The following TEC variants were observed in gnomAD, a reference collection of about 807,000 sequenced individuals.
The protein encoded by TEC is tyrosine-protein kinase Tec.
In TEC, 72 loss-of-function variants were observed where a neutral mutation model predicts 93.0. That is an observed-to-expected ratio of 0.77 (90% CI 0.64 to 0.94). The LOEUF (loss-of-function observed/expected upper bound fraction) is 0.94. Among genes scored for constraint, TEC ranks in the 40% least tolerant of loss-of-function variants. The pLI, the probability that TEC is intolerant of heterozygous loss-of-function variation, is 0.00. For missense variants in TEC, 630 were observed against 757.9 expected (o/e 0.83, Z 1.98); for synonymous variants, 249 against 247.7 (o/e 1.01, Z -0.05).
chr4:48,211,468 A>G (rs1722895171), intron 2 of TEC, among the ~76,000 whole-genome samples: 1 of 152,232 alleles, frequency 6.6e-6, no homozygotes, highest in African/African-American at 2.4e-5. Flanking sequence ...TCATTTTCCA[A>G]GAAAATTCAA....
At chr4:48,267,893 G>C (rs1724680705) in intron 1 of TEC, among the ~76,000 whole-genome samples, 1 of 152,220 alleles carries the variant, frequency 6.6e-6, no homozygotes, top group African/African-American at 2.4e-5. Context: ...CACCAACCTG[G>C]TCAACCTGGA....
intron 10 of TEC, among the ~76,000 whole-genome samples, chr4:48,150,212 G>A (rs747627205): frequency 1.2e-4 from 18 of 152,118 alleles, no homozygotes; most frequent in Non-Finnish European, 2.1e-4. Flanking sequence ...CAACTCTGAG[G>A]CTTCTCTCTC....
intron 14 of TEC, among the ~76,000 whole-genome samples, chr4:48,142,567 G>A (rs76166914): frequency 0.038 from 5,744 of 152,180 alleles, 302 homozygotes; most frequent in East Asian, 0.22. Flanking sequence ...ATACAATTGT[G>A]GATTATTTAA....
intron 2 of TEC, among the ~76,000 whole-genome samples, chr4:48,210,453 C>G (rs2109610266): frequency 6.6e-6 from 1 of 151,518 alleles, no homozygotes; most frequent in East Asian, 1.9e-4. Flanking sequence ...CCACTGCACT[C>G]CAGTCTGAGT....
rs907293717 is a variant in TEC at position 48,238,062 on chromosome 4, A to G, written c.-45-9403T>C. ...TATATACTCTCAGCTTAAAGCCCCA[A>G]ATTTCTTTTGTAAAAGGGGATTAAA... is the stretch of plus-strand genomic sequence containing the variant. On this transcript the variant is annotated intron_variant, in intron 1 of 17. Transcript: ENST00000381501. Among the ~76,000 whole-genome samples, 5 of 152,224 alleles carry G rather than the reference A, an allele frequency of 3.3e-5. No individual in the cohort carries two copies. In the South Asian group the frequency reaches 1.0e-3, roughly 31 times the overall value.
intron 2 of TEC, among the ~76,000 whole-genome samples, chr4:48,179,605 T>G (rs1374631243): frequency 6.6e-6 from 1 of 151,500 alleles, no homozygotes; most frequent in Non-Finnish European, 1.5e-5. Flanking sequence ...GCCGGGCTGG[T>G]CTCAAACTCC....
At chr4:48,155,239 T>G (rs1040705299) in intron 9 of TEC, among the ~76,000 whole-genome samples, 1 of 152,274 alleles carries the variant, frequency 6.6e-6, no homozygotes, top group African/African-American at 2.4e-5. Context: ...TAGGGAATGT[T>G]TCTTCTATTG....
At chr4:48,142,640 C>A (rs1056339337) in intron 14 of TEC, among the ~76,000 whole-genome samples, 1 of 152,036 alleles carries the variant, frequency 6.6e-6, no homozygotes, top group Non-Finnish European at 1.5e-5. Context: ...GATAGAAAGA[C>A]GTGGTATTTC....
intron 7 of TEC, among the ~76,000 whole-genome samples, chr4:48,165,616 T>C (rs948674457): frequency 1.3e-5 from 2 of 152,210 alleles, no homozygotes; most frequent in African/African-American, 4.8e-5. Context: ...CCTTCTAATG[T>C]GATCAAGCCT....
At chr4:48,226,615 T>TTATA (rs60186701) in intron 2 of TEC, among the ~76,000 whole-genome samples, 3 of 151,804 alleles carry the variant, frequency 2.0e-5, no homozygotes, top group East Asian at 1.9e-4. Flanking sequence ...ATACAGTATG[T>TTATA]TATATATATA....
chr4:48,219,896 CCA>C (rs559618641), intron 2 of TEC, among the ~76,000 whole-genome samples: 146 of 152,156 alleles, frequency 9.6e-4, no homozygotes, highest in Non-Finnish European at 1.7e-3. Context: ...TCTCTTGTCT[CCA>C]CACACGGGGA....
chr4:48,187,353 G>A (rs1450088986), intron 2 of TEC, among the ~76,000 whole-genome samples: 35 of 151,010 alleles, frequency 2.3e-4, no homozygotes, highest in Admixed American at 2.3e-3. Context: ...ATGTTTATCT[G>A]CTGACCTTCC....
In TEC at chr4:48,145,557, T is replaced by C. The variant is rs752518670; in HGVS notation, c.1104A>G (p.Ser368=). ...FSYEKWEINP[S]ELTFMRELGS... The stretch of plus-strand genomic sequence containing the variant: ...CCAATTCCCTCATAAAGGTCAGTTC[T>C]GAAGGGTTAATCTCCCATTTCTCTG... The change falls in exon 13 of 18, where the codon TCA becomes TCG. Residue 368 remains serine (S), a synonymous_variant. Transcript: ENST00000381501. 1.2e-6 allele frequency: 2 copies of C among 1,614,136 alleles called. No homozygotes were observed. The highest frequency in any genetic ancestry group is 2.2e-5 in the South Asian group (2 of 91,074).
intron 2 of TEC, among the ~76,000 whole-genome samples, chr4:48,226,147 C>A (rs1449326990): frequency 1.3e-5 from 2 of 152,220 alleles, no homozygotes; most frequent in Admixed American, 6.5e-5. Flanking sequence ...TGTTTATCTT[C>A]TTCAAAGTGA....
intron 1 of TEC, among the ~76,000 whole-genome samples, chr4:48,230,665 GTAAAGC>G (rs1723620852): frequency 6.6e-6 from 1 of 152,174 alleles, no homozygotes; most frequent in Admixed American, 6.5e-5. Context: ...GACCTGCAGA[GTAAAGC>G]TAAAATTCCT....
intron 2 of TEC, among the ~76,000 whole-genome samples, chr4:48,190,279 A>T (rs1280560856): frequency 6.6e-6 from 1 of 152,182 alleles, no homozygotes; most frequent in Non-Finnish European, 1.5e-5. Context: ...GCCTTCATGG[A>T]GCCAATTTCT....
intron 2 of TEC, among the ~76,000 whole-genome samples, chr4:48,186,969 T>A (rs1393731919): frequency 6.6e-6 from 1 of 152,224 alleles, no homozygotes; most frequent in Admixed American, 6.5e-5. Flanking sequence ...ATGATGACAA[T>A]GGCGTTTTTG....
At chr4:48,257,347 G>A (rs1478667184) in intron 1 of TEC, among the ~76,000 whole-genome samples, 1 of 152,142 alleles carries the variant, frequency 6.6e-6, no homozygotes, top group African/African-American at 2.4e-5. Flanking sequence ...TATAGTTAAG[G>A]GGCTTGGGGT....
At chr4:48,269,154 A>C (rs1482193078) in intron 1 of TEC, among the ~76,000 whole-genome samples, 1 of 152,208 alleles carries the variant, frequency 6.6e-6, no homozygotes. Flanking sequence ...TGGGTGAGTC[A>C]CGTGCAACTG....
Sources: gnomAD v4.1 joint callset for allele counts (sites outside exome capture counted in the v4.1 genomes callset) on GRCh38, gnomAD v4.1.1 for gene constraint, MANE v1.5 for transcripts, NCBI Gene and HGNC (gene_info 2026-07-23, HGNC 2026-07-21) for gene names.